SEC24C: variants seen among roughly 807,000 people sequenced by gnomAD.
SEC24C encodes the protein protein transport protein Sec24C.
In SEC24C, 22 loss-of-function variants were observed where a neutral mutation model predicts 117.0. The ratio of observed to expected loss-of-function variants is 0.19; its 90% confidence interval spans 0.13 to 0.27. The LOEUF (loss-of-function observed/expected upper bound fraction) is 0.27. Among genes scored for constraint, SEC24C ranks in the 10% least tolerant of loss-of-function variants. The probability of loss-of-function intolerance (pLI) is 1.00; values close to 1 mark genes in which losing one functional copy is unlikely to be tolerated. For missense variants in SEC24C, 1,155 were observed against 1,375.1 expected, an observed-to-expected ratio of 0.84 and a Z score of 2.53; for synonymous variants, 506 against 529.4, an observed-to-expected ratio of 0.96 and a Z score of 0.61.
intron 6 of SEC24C, among the ~76,000 whole-genome samples, chr10:73,763,039 AT>A (rs2082821300): frequency 6.6e-6 from 1 of 152,044 alleles, no homozygotes; most frequent in South Asian, 2.1e-4. Flanking sequence ...TTCCAGGTAG[AT>A]TCATTTTTAC....
In SEC24C at chr10:73,760,005, T is replaced by C; in HGVS notation, c.482-13T>C. ...GACTGGGCTTTTGACTCTACCTTTA[T>C]TCTACTTCTCAGGCCCACCAACATC... On this transcript the variant is annotated splice_polypyrimidine_tract_variant and intron_variant, in intron 4 of 22. Coordinates refer to ENST00000345254, the MANE Select transcript of SEC24C (RefSeq NM_198597.3). 1 of 1,555,520 alleles carries C rather than the reference T, an allele frequency of 6.4e-7. No homozygotes were observed. Among genetic ancestry groups the C allele is most frequent in the Non-Finnish European group, 8.7e-7 (1 of 1,148,608 alleles).
chr10:73,757,913 C>G (rs1294356651), intron 3 of SEC24C, among the ~76,000 whole-genome samples: 1 of 100,370 alleles, frequency 1.0e-5, no homozygotes, highest in African/African-American at 3.9e-5. Context: ...AGAGCGAGAC[C>G]CTGTCTCAAA....
Position 73,770,945 on chromosome 10 carries a change from C to A in SEC24C, c.3145-10C>A, listed in dbSNP as rs1368167873. 1 of 1,613,998 alleles carries A rather than the reference C, an allele frequency of 6.2e-7. No individual in the cohort carries two copies. The highest frequency in any genetic ancestry group is 1.3e-5 in the African/African-American group (1 of 74,902). ...GGCCTTGCCTTATGAACCCTGAATT[C>A]TGGCCGTAGCTTACCGTGGTGAAAC... On this transcript the variant is annotated splice_polypyrimidine_tract_variant and intron_variant, in intron 22 of 22. Transcript: ENST00000345254.
rs765470662 is a variant in SEC24C at position 73,760,846 on chromosome 10, C to T, written c.984C>T (p.Ser328=). ...PKRLDPDAIP[S]PIQVIEDDRN... Reference sequence around the variant, plus strand: ...GCCTGGACCCTGATGCCATCCCAAGCCCTGTAAGTAGAAACTTTCATGGTC... The same window carrying T: ...GCCTGGACCCTGATGCCATCCCAAGTCCTGTAAGTAGAAACTTTCATGGTC... The change falls in exon 6 of 23, where the codon AGC becomes AGT. Residue 328 remains serine (S), a synonymous_variant. Coordinates refer to ENST00000345254, the MANE Select transcript of SEC24C (RefSeq NM_198597.3). The T allele has an allele frequency of 6.2e-7, 1 of 1,607,646 alleles. No individual in the cohort carries two copies. Among genetic ancestry groups the T allele is most frequent in the Non-Finnish European group, 8.5e-7 (1 of 1,177,814 alleles).
chr10:73,751,179 G>A lies in SEC24C; in HGVS notation c.244G>A (p.Ala82Thr). ...STAQAPCGQA[A>T]YGQFGQGDVQ... ...AGCACAGGCTCCTTGTGGCCAGGCTGCATATGGCCAGTTTGGCCAAGGAGA... is the reference window on the plus strand; with the variant it reads ...AGCACAGGCTCCTTGTGGCCAGGCTACATATGGCCAGTTTGGCCAAGGAGA... Residue 82 changes from alanine to threonine, a missense_variant, in exon 3 of 23, where the codon GCA (alanine) becomes ACA (threonine). Ala to Thr is a moderately conservative substitution (Grantham distance 58). Around this residue, in one of 2 missense-constraint regions of SEC24C, gnomAD observed 396 missense variants for 382.8 expected, o/e 1.03. Coordinates refer to ENST00000345254, the MANE Select transcript of SEC24C (RefSeq NM_198597.3). The A allele has an allele frequency of 6.8e-6, 11 of 1,614,234 alleles. No homozygotes were observed. The highest frequency in any genetic ancestry group is 9.3e-6 in the Non-Finnish European group (11 of 1,180,028).
chr10:73,752,533 C>CCCA (rs2082656284), intron 3 of SEC24C, among the ~76,000 whole-genome samples: 1 of 152,194 alleles, frequency 6.6e-6, no homozygotes, highest in Non-Finnish European at 1.5e-5. Flanking sequence ...CCAGAACACA[C>CCCA]ATTTTAAGCA....
At chr10:73,757,642 A>C (rs2082729902) in intron 3 of SEC24C, among the ~76,000 whole-genome samples, 1 of 151,814 alleles carries the variant, frequency 6.6e-6, no homozygotes, top group African/African-American at 2.4e-5. Flanking sequence ...CACTTTGATT[A>C]GAGTTGGGCC....
Position 73,766,434 on chromosome 10 carries a change from A to C in SEC24C, c.1692A>C (p.Ser564=). 6.2e-7 allele frequency: 1 copy of C among 1,614,202 alleles called. No individual in the cohort carries two copies. The highest frequency in any genetic ancestry group is 8.5e-7 in the Non-Finnish European group (1 of 1,180,032). The change falls in exon 12 of 23, where the codon TCA becomes TCC. Residue 564 remains serine (S), a synonymous_variant. Transcript: ENST00000345254. ...KVLHFYNVKS[S]LAQPQMMVVS... ...TCCACTTCTATAATGTGAAGAGCTC[A>C]TTGGCCCAGCCACAGATGATGGTTG...
chr10:73,746,053 G>A (rs200020914), intron 1 of SEC24C, among the ~76,000 whole-genome samples: 3 of 151,340 alleles, frequency 2.0e-5, no homozygotes, highest in African/African-American at 4.9e-5. Flanking sequence ...CCAGCTACTC[G>A]GGAGGCTGAG....
At chr10:73,762,021 G>A in intron 6 of SEC24C, 1 of 1,005,978 alleles carries the variant, frequency 9.9e-7, no homozygotes, top group Non-Finnish European at 1.4e-6. Context: ...AGGGTTGAGA[G>A]AAGTAACATC....
chr10:73,762,016 T>G, intron 6 of SEC24C: 6 of 952,200 alleles, frequency 6.3e-6, no homozygotes, highest in Non-Finnish European at 8.8e-6. Context: ...TCAACAGGGT[T>G]GAGAGAAGTA....
At chr10:73,765,698 AG>A in intron 9 of SEC24C, 101 bp from the exon 10 acceptor site, 1 of 1,564,976 alleles carries the variant, frequency 6.4e-7, no homozygotes. Flanking sequence ...CTGGGGAAGT[AG>A]GGCACATGGG....
intron 2 of SEC24C, among the ~76,000 whole-genome samples, chr10:73,749,700 C>T (rs948321952): frequency 3.3e-5 from 5 of 152,090 alleles, no homozygotes; most frequent in East Asian, 3.9e-4. Flanking sequence ...CATGCCACCA[C>T]GCCCGGCTAA....
In SEC24C at chr10:73,744,395, G is replaced by T. The variant is rs527821582; in HGVS notation, c.-71G>T. 3.9e-5 allele frequency: 6 copies of T among 152,844 alleles called. No individual in the cohort carries two copies. Among genetic ancestry groups the T allele is most frequent in the East Asian group, 1.9e-4 (1 of 5,172 alleles). 9.5% of individuals were successfully genotyped at this position (152,844 alleles called of 1,614,324 possible). On this transcript the variant is annotated 5_prime_UTR_variant, in exon 1 of 23. Transcript: ENST00000345254. ...TCGGAACCGGAAGTGGAGCCTGGGAGCCTTGACGTTAGGAACGAAGTCTAA... is the reference window on the plus strand; with the variant it reads ...TCGGAACCGGAAGTGGAGCCTGGGATCCTTGACGTTAGGAACGAAGTCTAA...
chr10:73,767,046 T>C lies in SEC24C; in HGVS notation c.1894-8T>C, dbSNP rs1321825410. 6.2e-7 allele frequency: 1 copy of C among 1,604,968 alleles called. No individual in the cohort carries two copies. The highest frequency in any genetic ancestry group is 1.1e-5 in the South Asian group (1 of 90,778). ...AGAATAAACAAGTAGTCCTCTCTTT[T>C]TTCCTAGGCTGCTGAGTGTGCAGGG... On this transcript the variant is annotated splice_region_variant and splice_polypyrimidine_tract_variant and intron_variant, in intron 13 of 22. Transcript: ENST00000345254.
Position 73,769,592 on chromosome 10 carries a change from A to C in SEC24C, c.2564-23A>C. 1 of 1,613,446 alleles carries C rather than the reference A, an allele frequency of 6.2e-7. No individual in the cohort carries two copies. Among genetic ancestry groups the C allele is most frequent in the Non-Finnish European group, 8.5e-7 (1 of 1,179,484 alleles). ...ACACATGATGGGCAGCTGACCAGTGACTATCTTTGCTTTCCCATCCAGCAT... is the reference window on the plus strand; with the variant it reads ...ACACATGATGGGCAGCTGACCAGTGCCTATCTTTGCTTTCCCATCCAGCAT... On this transcript the variant is annotated intron_variant, in intron 18 of 22. Coordinates refer to ENST00000345254, the MANE Select transcript of SEC24C (RefSeq NM_198597.3). The surrounding 1 kb of genome is among the most constrained non-coding windows in gnomAD (Gnocchi z 4.5).
chr10:73,757,372 A>T (rs1453960605), intron 3 of SEC24C, among the ~76,000 whole-genome samples: 2 of 150,860 alleles, frequency 1.3e-5, no homozygotes, highest in Admixed American at 1.3e-4. Flanking sequence ...AAAAAAAAAA[A>T]ATAGCTGAGC....
chr10:73,769,678 C>T lies in SEC24C; in HGVS notation c.2627C>T (p.Ala876Val). ...CGTGACACGCTCATCACCCAGTGTG[C>T]CCAGATCCTGGCCTGTTACAGAAAG... Reference protein sequence around the residue: ...AVRDTLITQCAQILACYRKNC... With the variant: ...AVRDTLITQCVQILACYRKNC... The change falls in exon 19 of 23, where the codon GCC becomes GTC. Residue 876 changes from alanine (A) to valine (V), a missense_variant. Ala to Val is a moderately conservative substitution (Grantham distance 64). Coordinates refer to ENST00000345254, the MANE Select transcript of SEC24C (RefSeq NM_198597.3). The surrounding 1 kb of genome is among the most constrained non-coding windows in gnomAD (Gnocchi z 4.5). The T allele has an allele frequency of 6.2e-7, 1 of 1,614,166 alleles. No homozygotes were observed.
chr10:73,750,386 G>A (rs2082626413), intron 2 of SEC24C, among the ~76,000 whole-genome samples: 1 of 152,216 alleles, frequency 6.6e-6, no homozygotes, highest in African/African-American at 2.4e-5. Context: ...AACTTCATAT[G>A]TGAAGAATGG....
Sources: gnomAD v4.1 joint callset for allele counts (sites outside exome capture counted in the v4.1 genomes callset) on GRCh38, gnomAD v4.1.1 for gene constraint, gnomAD v4.1.1 regional missense constraint, Gnocchi (gnomAD v3.1) non-coding constraint, MANE v1.5 for transcripts, NCBI Gene and HGNC (gene_info 2026-07-23, HGNC 2026-07-21) for gene names.